Variants in PLA2R1 observed in about 807,000 individuals in gnomAD.
The protein encoded by PLA2R1 is phospholipase A2 receptor 1.
A neutral mutation model predicts 195.9 loss-of-function variants in PLA2R1; 158 were observed. The observed-to-expected ratio is 0.81, with a 90% CI of 0.71 to 0.92. The LOEUF (loss-of-function observed/expected upper bound fraction) is 0.92, where lower values mean the gene tolerates loss of function less well. Ranked by LOEUF, PLA2R1 falls within the 40% of genes least tolerant of loss-of-function variation. The pLI, the probability that PLA2R1 is intolerant of heterozygous loss-of-function variation, is 0.00. For missense variants in PLA2R1, 1,626 were observed against 1,764.6 expected, an observed-to-expected ratio of 0.92 and a Z score of 1.41; for synonymous variants, 586 against 598.2, an observed-to-expected ratio of 0.98 and a Z score of 0.30.
chr2:160,034,769 C>CA (rs1242797695), intron 3 of PLA2R1, among the ~76,000 whole-genome samples: 1 of 152,056 alleles, frequency 6.6e-6, no homozygotes, highest in African/African-American at 2.4e-5. Flanking sequence ...CCTATCACTA[C>CA]AAAAAGAGAA....
At chr2:159,987,505 A>G (rs1469833475) in intron 11 of PLA2R1, 147 bp from the exon 12 acceptor site, 2 of 620,388 alleles carry the variant, frequency 3.2e-6, no homozygotes, top group Admixed American at 2.8e-5. Flanking sequence ...TGTCTTATTG[A>G]CCTGATTATG....
In PLA2R1 at chr2:160,028,337, T is replaced by C. The variant is rs1247161536; in HGVS notation, c.980A>G (p.Glu327Gly). ...SPEVNFEPFV[E>G]DHCGTFSSFM... ...TGAACTAAATGTTCCACAGTGATCT[T>C]CAACAAATGGCTCAAAATTTACCTC... The change falls in exon 6 of 30, where the codon GAA becomes GGA. Residue 327 changes from glutamate (E) to glycine (G), a missense_variant. Transcript: ENST00000283243. The C allele has an allele frequency of 3.7e-6, 6 of 1,609,194 alleles. 1 individual carries two copies. In the South Asian group the frequency reaches 5.5e-5, roughly 15 times the overall value.
At chr2:159,929,872 G>GTATA (rs71000319), downstream of PLA2R1, among the ~76,000 whole-genome samples, 23,025 of 147,998 alleles carry the variant, frequency 0.16, 2,030 homozygotes, top group South Asian at 0.4. Flanking sequence ...GTGTGTGTGT[G>GTATA]TATATATATA....
At chr2:160,013,675 T>TTCTCTCTC (rs1194944207) in intron 9 of PLA2R1, among the ~76,000 whole-genome samples, 1 of 65,724 alleles carries the variant, frequency 1.5e-5, no homozygotes, top group Admixed American at 1.5e-4. Flanking sequence ...ACCTCTCTCT[T>TTCTCTCTC]TCTCTCTCTC....
chr2:160,060,805 C>G (rs75526284), intron 1 of PLA2R1, among the ~76,000 whole-genome samples: 2,426 of 152,316 alleles, frequency 0.016, 34 homozygotes, highest in East Asian at 0.033. Flanking sequence ...GGGCTGCTGC[C>G]CTGTTCTACC....
chr2:160,059,963 G>C (rs926032585), intron 1 of PLA2R1, among the ~76,000 whole-genome samples: 1 of 152,170 alleles, frequency 6.6e-6, no homozygotes, highest in African/African-American at 2.4e-5. Context: ...AATTCAAGTT[G>C]AGATTTGGGT....
chr2:160,005,898 C>T lies in PLA2R1; in HGVS notation c.1665-77G>A, dbSNP rs1691951464. 9 of 935,412 alleles carry T rather than the reference C, an allele frequency of 9.6e-6. No individual in the cohort carries two copies. In the South Asian group the frequency reaches 1.2e-4, roughly 12 times the overall value. The allele number at this position is 935,412 out of a possible 1,614,324, so 57.9% of individuals were successfully genotyped here. On this transcript the variant is annotated intron_variant, in intron 10 of 29. Transcript: ENST00000283243. ...AATGTCATTAAAGCATAATGAAGTGCACAGAATGGCCCCAGAGTAAGCATT... is the reference window on the plus strand; with the variant it reads ...AATGTCATTAAAGCATAATGAAGTGTACAGAATGGCCCCAGAGTAAGCATT...
Position 160,020,272 on chromosome 2 carries a change from G to T in PLA2R1, c.1295-9C>A, listed in dbSNP as rs1398829131. 2 of 1,599,216 alleles carry T rather than the reference G, an allele frequency of 1.3e-6. No individual in the cohort carries two copies. Among genetic ancestry groups the T allele is most frequent in the Admixed American group, 3.4e-5 (2 of 58,916 alleles). ...TGTTTCTGATGCATTTTCTGTAAGA[G>T]ATAAATGTAAATTACTTATGGGATC... is the stretch of plus-strand genomic sequence containing the variant. On this transcript the variant is annotated splice_polypyrimidine_tract_variant and intron_variant, in intron 7 of 29. Coordinates refer to ENST00000283243, the MANE Select transcript of PLA2R1 (RefSeq NM_007366.5).
At chr2:160,016,760 C>A in intron 8 of PLA2R1, 48 bp from the exon 9 acceptor site, 1 of 815,926 alleles carries the variant, frequency 1.2e-6, no homozygotes, top group Non-Finnish European at 2.1e-6. Context: ...TGTGCTGATA[C>A]CGATGGGCAA....
chr2:159,945,574 A>G (rs916505563), intron 27 of PLA2R1, among the ~76,000 whole-genome samples: 7 of 152,262 alleles, frequency 4.6e-5, no homozygotes, highest in African/African-American at 1.7e-4. Flanking sequence ...TATATGTGCC[A>G]CATTTTCTTA....
intron 15 of PLA2R1, among the ~76,000 whole-genome samples, chr2:159,976,978 C>A (rs548308556): frequency 6.6e-6 from 1 of 152,208 alleles, no homozygotes; most frequent in Non-Finnish European, 1.5e-5. Context: ...CAGGTGTTTC[C>A]ACTTACTCAT....
intron 11 of PLA2R1, among the ~76,000 whole-genome samples, chr2:160,003,372 T>C (rs972733211): frequency 1.3e-5 from 2 of 151,974 alleles, no homozygotes; most frequent in Admixed American, 6.5e-5. Context: ...AAACATACCA[T>C]AGAAAAATTA....
intron 4 of PLA2R1, among the ~76,000 whole-genome samples, chr2:160,029,340 G>C (rs1392660967): frequency 6.6e-6 from 1 of 152,164 alleles, no homozygotes; most frequent in African/African-American, 2.4e-5. Context: ...AGTGAACAGA[G>C]GCACATCTTC....
At chr2:159,975,923 C>CTA in intron 17 of PLA2R1, 145 bp downstream of exon 17, 1 of 678,156 alleles carries the variant, frequency 1.5e-6, no homozygotes. Flanking sequence ...TCTCAAAAAT[C>CTA]TATGGCTTTA....
In PLA2R1 at chr2:159,941,907, G is replaced by A. The variant is rs1219534898; in HGVS notation, c.4263C>T (p.Tyr1421=). The change falls in exon 30 of 30, where the codon TAC becomes TAT. Residue 1421 remains tyrosine, a synonymous_variant. Coordinates refer to ENST00000283243, the MANE Select transcript of PLA2R1 (RefSeq NM_007366.5). ...VAICTLSFCI[Y]KHNGGFFRRL... ...TCCTGAAGAAGCCACCGTTATGCTT[G>A]TATATGCAGAAGGAAAGTGTGCAAA... 7.4e-6 allele frequency: 12 copies of A among 1,613,596 alleles called. No homozygotes were observed. The highest frequency in any genetic ancestry group is 2.7e-5 in the African/African-American group (2 of 74,906).
At chr2:159,959,083 T>C (rs962547098) in intron 20 of PLA2R1, among the ~76,000 whole-genome samples, 13 of 152,242 alleles carry the variant, frequency 8.5e-5, no homozygotes, top group African/African-American at 2.7e-4. Flanking sequence ...ATAAACTGAA[T>C]TGGCTTTCAA....
the PLA2R1 span, among the ~76,000 whole-genome samples, chr2:159,926,197 T>A: frequency 6.6e-6 from 1 of 152,216 alleles, no homozygotes; most frequent in East Asian, 1.9e-4. Context: ...TTTTAGTAGA[T>A]CTTTCTCAAG....
In PLA2R1 at chr2:160,001,738, G is replaced by A. The variant is rs147692749; in HGVS notation, c.1834+3914C>T. The stretch of plus-strand genomic sequence containing the variant: ...GGATCACTTGGGATACTACTATACC[G>A]ATTTTGACACCACAGGTGGGATATC... On this transcript the variant is annotated intron_variant, in intron 11 of 29. Coordinates refer to ENST00000283243, the MANE Select transcript of PLA2R1 (RefSeq NM_007366.5). Among the ~76,000 whole-genome samples the A allele has an allele frequency of 1.4e-4, 21 of 151,926 alleles. 1 individual carries two copies. The East Asian group carries it at 3.7e-3, about 27-fold the overall frequency.
intron 11 of PLA2R1, among the ~76,000 whole-genome samples, chr2:160,000,768 T>C (rs1327266453): frequency 2.0e-5 from 3 of 152,082 alleles, no homozygotes; most frequent in Non-Finnish European, 4.4e-5. Flanking sequence ...ATATAGTATC[T>C]AACACTGAAA....
Sources: gnomAD v4.1 joint callset for allele counts (sites outside exome capture counted in the v4.1 genomes callset) on GRCh38, gnomAD v4.1.1 for gene constraint, MANE v1.5 for transcripts, NCBI Gene and HGNC (gene_info 2026-07-23, HGNC 2026-07-21) for gene names.